The following TIMP2 variants were observed in gnomAD, a reference collection of about 807,000 sequenced individuals.
The protein encoded by TIMP2 is TIMP metallopeptidase inhibitor 2.
Under a neutral mutation model 24.3 loss-of-function variants are expected in TIMP2, and 5 were observed. That is an observed-to-expected ratio of 0.21 (90% CI 0.11 to 0.43). TIMP2 has a LOEUF of 0.43. TIMP2 is among the 20% of genes least tolerant of loss of function. The pLI is 1.00. For synonymous variants in TIMP2, 130 were observed against 123.2 expected, an observed-to-expected ratio of 1.06 and a Z score of -0.37; for missense variants, 221 against 297.5, an observed-to-expected ratio of 0.74 and a Z score of 1.89.
chr17:78,862,589 G>A (rs1197202103), intron 3 of TIMP2, among the ~76,000 whole-genome samples: 1 of 152,236 alleles, frequency 6.6e-6, no homozygotes, highest in African/African-American at 2.4e-5. Flanking sequence ...GGAAGTCCAT[G>A]TGCAGATTTG....
chr17:78,865,008 C>T (rs759407876), intron 3 of TIMP2, among the ~76,000 whole-genome samples: 1 of 152,058 alleles, frequency 6.6e-6, no homozygotes, highest in African/African-American at 2.4e-5. Context: ...GAGCCAAGAT[C>T]GCGCCACTGC....
chr17:78,871,231 C>T (rs1019308022), intron 2 of TIMP2, among the ~76,000 whole-genome samples: 2 of 151,898 alleles, frequency 1.3e-5, no homozygotes, highest in Non-Finnish European at 2.9e-5. Flanking sequence ...GTGGGCAGGT[C>T]GCTTGAGGTC....
intron 3 of TIMP2, among the ~76,000 whole-genome samples, chr17:78,866,804 C>G (rs531354808): frequency 1.3e-5 from 2 of 152,122 alleles, no homozygotes; most frequent in Non-Finnish European, 2.9e-5. Flanking sequence ...TGATTCCGTT[C>G]CCAGGAAAGC....
chr17:78,900,487 G>A (rs1267548092), intron 1 of TIMP2, among the ~76,000 whole-genome samples: 1 of 151,470 alleles, frequency 6.6e-6, no homozygotes, highest in Non-Finnish European at 1.5e-5. Flanking sequence ...GGAGGTTGCA[G>A]TGAGCCAAGA....
At chr17:78,859,562 C>G (rs1022626196) in intron 3 of TIMP2, among the ~76,000 whole-genome samples, 1 of 152,106 alleles carries the variant, frequency 6.6e-6, no homozygotes, top group African/African-American at 2.4e-5. Context: ...ACTCAGGAGA[C>G]TGAGGCAGGA....
intron 2 of TIMP2, 31 bp downstream of exon 2, chr17:78,873,788 T>C (rs1435516620): frequency 6.3e-7 from 1 of 1,589,370 alleles, no homozygotes; most frequent in East Asian, 2.2e-5. Flanking sequence ...GTGCCCACAG[T>C]GCAGCCCGGG....
At chr17:78,897,149 G>T in intron 1 of TIMP2, 1 of 245,016 alleles carries the variant, frequency 4.1e-6, no homozygotes, top group Non-Finnish European at 6.5e-6. Flanking sequence ...CTCCAGGCCT[G>T]CTGTGCACTC....
Position 78,857,683 on chromosome 17 carries a change from G to A in TIMP2, c.341-37C>T. 4 of 1,612,990 alleles carry A rather than the reference G, an allele frequency of 2.5e-6. No individual in the cohort carries two copies. The South Asian group carries it at 4.4e-5, about 18-fold the overall frequency. ...CGGGGATCACCGAGCTCAGGGAGAG[G>A]GAAAAGTCCTCCTCCTGCCCAGCTC... On this transcript the variant is annotated intron_variant, in intron 3 of 4. Coordinates refer to ENST00000262768, the MANE Select transcript of TIMP2 (RefSeq NM_003255.5).
At chr17:78,918,610 A>G (rs2145796839) in intron 1 of TIMP2, among the ~76,000 whole-genome samples, 1 of 152,198 alleles carries the variant, frequency 6.6e-6, no homozygotes, top group East Asian at 1.9e-4. Flanking sequence ...ACCCCCCGAC[A>G]CTGAGGTGGT....
rs1415388411 is a variant in TIMP2, at chr17:78,855,850, G to A, written c.480C>T (p.Pro160=). The A allele has an allele frequency of 6.2e-7, 1 of 1,614,034 alleles. No individual in the cohort carries two copies. The highest frequency in any genetic ancestry group is 8.5e-7 in the Non-Finnish European group (1 of 1,179,986). ...GGGAGGAGATGTAGCACGGGATCAT[G>A]GGGCAGCGCGTGATCTGGGGAGGGG... ...MGCECKITRC[P]MIPCYISSPD... Residue 160 remains proline (P), a synonymous_variant, in exon 5 of 5, where the codon CCC becomes CCT. Transcript: ENST00000262768. The surrounding 1 kb of genome is among the most constrained non-coding windows in gnomAD (Gnocchi z 6.0).
chr17:78,915,908 G>A (rs779391123), intron 1 of TIMP2, among the ~76,000 whole-genome samples: 17 of 152,180 alleles, frequency 1.1e-4, no homozygotes, highest in Non-Finnish European at 2.2e-4. Context: ...CCGTTGGATC[G>A]TCTGTACAAT....
At chr17:78,908,078 C>T (rs6501264) in intron 1 of TIMP2, among the ~76,000 whole-genome samples, 74,258 of 151,934 alleles carry the variant, frequency 0.49, 18,764 homozygotes, top group African/African-American at 0.63. Context: ...GAGGTTGCAG[C>T]GAGTGGAGAT....
chr17:78,868,757 G>A (rs565590402), intron 3 of TIMP2, among the ~76,000 whole-genome samples: 3 of 152,270 alleles, frequency 2.0e-5, no homozygotes, highest in African/African-American at 7.2e-5. Context: ...TATCTCGGGT[G>A]CTCATGAGCC....
chr17:78,875,642 T>G (rs1480407862), intron 1 of TIMP2, among the ~76,000 whole-genome samples: 2 of 152,102 alleles, frequency 1.3e-5, no homozygotes, highest in Non-Finnish European at 2.9e-5. Context: ...TCTGGGTAAG[T>G]GTTATGTTAC....
chr17:78,905,139 C>CA (rs11460070), intron 1 of TIMP2: 71,663 of 147,328 alleles, frequency 0.49, 17,779 homozygotes, highest in South Asian at 0.62. Flanking sequence ...GACTCCATCT[C>CA]AAAAAAAAAA....
intron 1 of TIMP2, among the ~76,000 whole-genome samples, chr17:78,880,625 G>C (rs149430237): frequency 1.8e-4 from 27 of 152,168 alleles, no homozygotes; most frequent in East Asian, 7.7e-4. Context: ...GTATGAACTA[G>C]ATGTTCAAGG....
At chr17:78,877,564 A>G (rs200006741) in intron 1 of TIMP2, among the ~76,000 whole-genome samples, 1 of 29,294 alleles carries the variant, frequency 3.4e-5, no homozygotes, top group African/African-American at 6.4e-5. Context: ...AAAAGAAAAG[A>G]AAGAAAAGGA....
At chr17:78,915,815 C>A (rs1007184227) in intron 1 of TIMP2, among the ~76,000 whole-genome samples, 1 of 152,204 alleles carries the variant, frequency 6.6e-6, no homozygotes, top group African/African-American at 2.4e-5. Flanking sequence ...TCCACCGTGC[C>A]CGGCCTAAAA....
chr17:78,883,966 C>T (rs1389521452), intron 1 of TIMP2, among the ~76,000 whole-genome samples: 1 of 152,254 alleles, frequency 6.6e-6, no homozygotes, highest in Non-Finnish European at 1.5e-5. Context: ...TGCTGAATCA[C>T]TTGAAAACAA....
Sources: gnomAD v4.1 joint callset for allele counts (sites outside exome capture counted in the v4.1 genomes callset) on GRCh38, gnomAD v4.1.1 for gene constraint, Gnocchi (gnomAD v3.1) non-coding constraint, MANE v1.5 for transcripts, NCBI Gene and HGNC (gene_info 2026-07-23, HGNC 2026-07-21) for gene names.